Variants in PABPC4L observed in about 807,000 individuals in gnomAD.
The protein encoded by PABPC4L is poly(A) binding protein cytoplasmic 4 like, also known as polyadenylate-binding protein 4-like.
For missense variants in PABPC4L, 452 were observed against 451.4 expected, an observed-to-expected ratio of 1.00 and a Z score of -0.01; for synonymous variants, 169 against 164.1, an observed-to-expected ratio of 1.03 and a Z score of -0.23.
the PABPC4L span, among the ~76,000 whole-genome samples, chr4:133,979,420 A>C: frequency 6.6e-6 from 1 of 152,220 alleles, no homozygotes; most frequent in Non-Finnish European, 1.5e-5. Context: ...GGAAGGAAGA[A>C]TAAGAACACG....
the PABPC4L span, among the ~76,000 whole-genome samples, chr4:134,123,583 T>C: frequency 6.6e-6 from 1 of 151,988 alleles, no homozygotes. Flanking sequence ...ATTGAATCCA[T>C]GAATAATCAG....
chr4:134,171,258 G>A, the PABPC4L span, among the ~76,000 whole-genome samples: 1 of 152,036 alleles, frequency 6.6e-6, no homozygotes, highest in Admixed American at 6.6e-5. Context: ...TGAGATTACA[G>A]GTGCATGCCA....
At chr4:134,119,618 C>T in the PABPC4L span, among the ~76,000 whole-genome samples, 10 of 151,734 alleles carry the variant, frequency 6.6e-5, 1 homozygote, top group Middle Eastern at 0.01. Context: ...ACAAATCTTA[C>T]ATTTACAAGT....
At chr4:134,151,709 G>A in the PABPC4L span, among the ~76,000 whole-genome samples, 1 of 151,638 alleles carries the variant, frequency 6.6e-6, no homozygotes, top group Non-Finnish European at 1.5e-5. Context: ...TATTAGTGGG[G>A]ACACATCAAA....
chr4:133,964,490 C>A, the PABPC4L span, among the ~76,000 whole-genome samples: 1 of 151,986 alleles, frequency 6.6e-6, no homozygotes, highest in Non-Finnish European at 1.5e-5. Context: ...CACCCTAATA[C>A]CCAAATTAGG....
the PABPC4L span, among the ~76,000 whole-genome samples, chr4:134,025,402 C>T: frequency 6.7e-6 from 1 of 149,424 alleles, no homozygotes; most frequent in African/African-American, 2.5e-5. Flanking sequence ...ATTTCTTCTT[C>T]TATTGGAAAA....
the PABPC4L span, among the ~76,000 whole-genome samples, chr4:134,142,498 A>G: frequency 6.6e-6 from 1 of 151,740 alleles, no homozygotes; most frequent in Non-Finnish European, 1.5e-5. Context: ...GATATGTAAA[A>G]ATAGCACAAC....
the PABPC4L span, among the ~76,000 whole-genome samples, chr4:133,950,693 T>C: frequency 1.1e-3 from 171 of 152,292 alleles, no homozygotes; most frequent in African/African-American, 4.1e-3. Flanking sequence ...ACCTTAGAGA[T>C]ATCTGGAATT....
the PABPC4L span, among the ~76,000 whole-genome samples, chr4:134,155,809 AT>A: frequency 2.6e-5 from 4 of 152,122 alleles, no homozygotes; most frequent in South Asian, 8.3e-4. Context: ...TAAAAGTCAA[AT>A]GAGCTAACTC....
the PABPC4L span, among the ~76,000 whole-genome samples, chr4:134,067,238 T>C: frequency 6.6e-6 from 1 of 152,126 alleles, no homozygotes; most frequent in Non-Finnish European, 1.5e-5. Context: ...AGGAATTCAA[T>C]GTATCCCTTG....
At chr4:134,189,615 G>C in the PABPC4L span, among the ~76,000 whole-genome samples, 7 of 152,006 alleles carry the variant, frequency 4.6e-5, no homozygotes, top group Admixed American at 4.6e-4. Context: ...AAAAAGAACT[G>C]TGGTACCTAG....
chr4:134,139,357 T>C, the PABPC4L span, among the ~76,000 whole-genome samples: 1 of 151,896 alleles, frequency 6.6e-6, no homozygotes, highest in Non-Finnish European at 1.5e-5. Flanking sequence ...CAATGAAGCA[T>C]TGTTGCTGAC....
At chr4:134,029,782 A>G in the PABPC4L span, among the ~76,000 whole-genome samples, 1 of 151,840 alleles carries the variant, frequency 6.6e-6, no homozygotes, top group Non-Finnish European at 1.5e-5. Flanking sequence ...TTGAAATACA[A>G]ATAAAAAGGA....
chr4:134,037,385 C>A, the PABPC4L span, among the ~76,000 whole-genome samples: 1 of 152,126 alleles, frequency 6.6e-6, no homozygotes, highest in East Asian at 1.9e-4. Context: ...TGTTCCTATG[C>A]ATTTTATTTT....
At chr4:134,092,827 C>T in the PABPC4L span, among the ~76,000 whole-genome samples, 16 of 152,046 alleles carry the variant, frequency 1.1e-4, no homozygotes, top group African/African-American at 3.4e-4. Flanking sequence ...GGAACACTCC[C>T]GCCTCATTTG....
the PABPC4L span, among the ~76,000 whole-genome samples, chr4:134,075,946 C>T: frequency 4.0e-5 from 6 of 151,544 alleles, no homozygotes; most frequent in Non-Finnish European, 5.9e-5. Context: ...GCAAGGCACA[C>T]ATTTTCCAGG....
the PABPC4L span, among the ~76,000 whole-genome samples, chr4:134,171,085 A>G: frequency 2.0e-5 from 3 of 152,088 alleles, no homozygotes; most frequent in African/African-American, 7.2e-5. Flanking sequence ...ATTTCTACTA[A>G]TGATTAATGA....
chr4:134,149,373 C>T, the PABPC4L span, among the ~76,000 whole-genome samples: 68,857 of 151,940 alleles, frequency 0.45, 18,090 homozygotes, highest in East Asian at 0.98. Flanking sequence ...TATTGGAGGA[C>T]TTTGAGGCTG....
At chr4:133,995,857 C>T in the PABPC4L span, among the ~76,000 whole-genome samples, 1 of 152,160 alleles carries the variant, frequency 6.6e-6, no homozygotes, top group African/African-American at 2.4e-5. Context: ...TAGCACTGAC[C>T]AGTCCCATGT....
Sources: gnomAD v4.1 joint callset for allele counts (sites outside exome capture counted in the v4.1 genomes callset) on GRCh38, gnomAD v4.1.1 for gene constraint, MANE v1.5 for transcripts, NCBI Gene and HGNC (gene_info 2026-07-23, HGNC 2026-07-21) for gene names.